The following SIPA1L1 variants were observed in gnomAD, a reference collection of about 807,000 sequenced individuals.
SIPA1L1 encodes signal-induced proliferation-associated 1-like protein 1.
In SIPA1L1, 26 loss-of-function variants were observed where a neutral mutation model predicts 162.7. The observed-to-expected ratio is 0.16, with a 90% CI of 0.12 to 0.22. The LOEUF (loss-of-function observed/expected upper bound fraction) is 0.22, where lower values mean the gene tolerates loss of function less well. SIPA1L1 is among the 10% of genes least tolerant of loss of function. The pLI is 1.00. For synonymous variants in SIPA1L1, 829 were observed against 837.4 expected (o/e 0.99, Z 0.17); for missense variants, 1,874 against 2,241.0 (o/e 0.84, Z 3.31).
intron 10 of SIPA1L1, among the ~76,000 whole-genome samples, chr14:71,662,410 A>G (rs2043607457): frequency 6.6e-6 from 1 of 152,230 alleles, no homozygotes; most frequent in Admixed American, 6.5e-5. Flanking sequence ...ATAAGCCCCA[A>G]ACTATTCTAG....
intron 2 of SIPA1L1, among the ~76,000 whole-genome samples, chr14:71,401,478 C>G (rs2041669449): frequency 6.7e-6 from 1 of 149,704 alleles, no homozygotes; most frequent in African/African-American, 2.5e-5. Context: ...TCTGTTTGTT[C>G]AACTCTGCAG....
intron 13 of SIPA1L1, among the ~76,000 whole-genome samples, chr14:71,697,627 GGA>G (rs1283179690): frequency 6.6e-6 from 1 of 152,228 alleles, no homozygotes; most frequent in Admixed American, 6.5e-5. Flanking sequence ...AAGATGTTTA[GGA>G]GAGAGCCGGA....
intron 2 of SIPA1L1, among the ~76,000 whole-genome samples, chr14:71,342,475 AT>A (rs2035763190): frequency 6.6e-6 from 1 of 152,208 alleles, no homozygotes; most frequent in African/African-American, 2.4e-5. Context: ...AAATATACAG[AT>A]TTTTAAAGAG....
chr14:71,357,527 G>A (rs897595832), intron 2 of SIPA1L1, among the ~76,000 whole-genome samples: 6 of 152,192 alleles, frequency 3.9e-5, no homozygotes, highest in Admixed American at 2.6e-4. Context: ...GTAATAGTCA[G>A]GATGTCTTAG....
chr14:71,685,520 C>T lies in SIPA1L1; in HGVS notation c.3263C>T (p.Pro1088Leu). The T allele has an allele frequency of 6.2e-7, 1 of 1,614,172 alleles. No homozygotes were observed. The change falls in exon 13 of 24, where the codon CCC (proline) becomes CTC (leucine). Residue 1088 changes from proline (P) to leucine (L), a missense_variant. By Grantham distance (98) the Pro-to-Leu change is moderately conservative. Around this residue, in one of 5 missense-constraint regions of SIPA1L1, gnomAD observed 936 missense variants for 1,051.9 expected, o/e 0.89. Coordinates refer to ENST00000381232, the MANE Select transcript of SIPA1L1 (RefSeq NM_001386936.1). Reference sequence around the variant, plus strand: ...CAAGTCCCGTCCCAGGTGCAGAGTCCCATGACCTCGCGGCTGAATGCTGGA... The same window carrying T: ...CAAGTCCCGTCCCAGGTGCAGAGTCTCATGACCTCGCGGCTGAATGCTGGA... Reference protein sequence around the residue: ...SPQVPSQVQSPMTSRLNAGKG... With the variant: ...SPQVPSQVQSLMTSRLNAGKG...
chr14:71,464,820 GTTCTT>G lies in SIPA1L1; in HGVS notation c.-464-47919_-464-47915del, dbSNP rs1473145145. 5.9e-5 allele frequency among the ~76,000 whole-genome samples: 9 copies of G among 152,262 alleles called. No homozygotes were observed. In the East Asian group the frequency reaches 1.3e-3, roughly 23 times the overall value. On this transcript the variant is annotated intron_variant, in intron 2 of 23. Coordinates refer to ENST00000381232, the MANE Select transcript of SIPA1L1 (RefSeq NM_001386936.1). ...GATATAAATTAGAAAACTCAAAACA[GTTCTT>G]TTCAAGTGTAGCGCACCCCGTCATG...
At chr14:71,490,049 AGG>A (rs1428285690) in intron 2 of SIPA1L1, among the ~76,000 whole-genome samples, 4 of 152,244 alleles carry the variant, frequency 2.6e-5, no homozygotes, top group Non-Finnish European at 4.4e-5. Flanking sequence ...ATATGTTAAT[AGG>A]GTAAGATTGG....
intron 17 of SIPA1L1, among the ~76,000 whole-genome samples, chr14:71,718,731 T>C (rs954576127): frequency 6.6e-6 from 1 of 152,238 alleles, no homozygotes; most frequent in African/African-American, 2.4e-5. Flanking sequence ...AGAATCATAC[T>C]ATCTGCATTA....
At chr14:71,451,469 A>C (rs1347354357) in intron 2 of SIPA1L1, among the ~76,000 whole-genome samples, 2 of 151,884 alleles carry the variant, frequency 1.3e-5, no homozygotes, top group African/African-American at 2.4e-5. Flanking sequence ...CCTTGTCTCT[A>C]CAAAAAAATT....
intron 5 of SIPA1L1, among the ~76,000 whole-genome samples, chr14:71,592,174 G>A (rs1021544963): frequency 9.9e-5 from 15 of 152,126 alleles, no homozygotes; most frequent in Non-Finnish European, 2.1e-4. Context: ...GTTGTTCAGT[G>A]GAAGTCAGTT....
At chr14:71,360,139 C>CA (rs1362582403) in intron 2 of SIPA1L1, among the ~76,000 whole-genome samples, 1 of 152,156 alleles carries the variant, frequency 6.6e-6, no homozygotes. Flanking sequence ...AATGCTAAAA[C>CA]ATGAGACAAA....
intron 2 of SIPA1L1, among the ~76,000 whole-genome samples, chr14:71,437,608 C>T (rs565614540): frequency 1.3e-5 from 2 of 152,080 alleles, no homozygotes; most frequent in East Asian, 1.9e-4. Flanking sequence ...GTGATCTGCC[C>T]GCCTGGACTT....
chr14:71,567,538 A>G lies in SIPA1L1; in HGVS notation c.-302-20033A>G, dbSNP rs565384782. 2.1e-3 allele frequency among the ~76,000 whole-genome samples: 320 copies of G among 152,344 alleles called. 5 individuals are homozygous for G. The highest frequency in any genetic ancestry group is 7.2e-4 in the Non-Finnish European group (49 of 68,024). ...GCTACTCCATAGGCAGAGCAGCAGCATGGGCTGCTCAATGGAGCAAACTTA... is the reference window on the plus strand; with the variant it reads ...GCTACTCCATAGGCAGAGCAGCAGCGTGGGCTGCTCAATGGAGCAAACTTA... On this transcript the variant is annotated intron_variant, in intron 4 of 23. Transcript: ENST00000381232.
At chr14:71,411,714 C>G (rs540909403) in intron 2 of SIPA1L1, among the ~76,000 whole-genome samples, 39 of 152,358 alleles carry the variant, frequency 2.6e-4, no homozygotes, top group African/African-American at 8.4e-4. Context: ...CCTTCTGGTG[C>G]TTTGGGGTAC....
At chr14:71,714,893 T>C (rs781319961) in intron 17 of SIPA1L1, among the ~76,000 whole-genome samples, 2 of 152,262 alleles carry the variant, frequency 1.3e-5, no homozygotes, top group Non-Finnish European at 2.9e-5. Flanking sequence ...ACACAACTTT[T>C]CTAAATAATT....
At chr14:71,340,318 T>C (rs1235539468) in intron 2 of SIPA1L1, among the ~76,000 whole-genome samples, 1 of 152,158 alleles carries the variant, frequency 6.6e-6, no homozygotes, top group African/African-American at 2.4e-5. Flanking sequence ...GGTTTCTTTT[T>C]CTTATCTGTT....
intron 13 of SIPA1L1, among the ~76,000 whole-genome samples, chr14:71,697,668 G>A (rs1158328934): frequency 6.6e-6 from 1 of 152,206 alleles, no homozygotes; most frequent in Non-Finnish European, 1.5e-5. Context: ...AGTCAGATCT[G>A]CCTCTTGGGC....
Position 71,589,146 on chromosome 14 carries a change from G to T in SIPA1L1, c.1274G>T (p.Gly425Val). Residue 425 changes from glycine to valine, a missense_variant, in exon 5 of 24, where the codon GGG becomes GTG. Around this residue, in one of 5 missense-constraint regions of SIPA1L1, gnomAD observed 685 missense variants for 828.0 expected, o/e 0.83. Transcript: ENST00000381232. ...PYFRNEIGGEGERKISLSKSN... is the reference protein window; with the variant it reads ...PYFRNEIGGEVERKISLSKSN... ...TTTCGGAATGAGATAGGTGGAGAAG[G>T]GGAGAGGAAAATCAGCCTTTCAAAA... 1 of 1,614,098 alleles carries T rather than the reference G, an allele frequency of 6.2e-7. No homozygotes were observed. Among genetic ancestry groups the T allele is most frequent in the Non-Finnish European group, 8.5e-7 (1 of 1,179,978 alleles).
chr14:71,609,226 T>TA (rs1289092648), intron 5 of SIPA1L1, among the ~76,000 whole-genome samples: 1 of 152,076 alleles, frequency 6.6e-6, no homozygotes, highest in Admixed American at 6.5e-5. Context: ...TTGATCCCAA[T>TA]AACAGTTTAG....
Sources: allele counts gnomAD v4.1 joint callset (sites outside exome capture counted in the v4.1 genomes callset), GRCh38; gene constraint gnomAD v4.1.1; regional missense constraint gnomAD v4.1.1; transcripts MANE v1.5; gene names NCBI Gene and HGNC (gene_info 2026-07-23, HGNC 2026-07-21).